Variants in ERCC6L2 observed in about 807,000 individuals in gnomAD.
The protein encoded by ERCC6L2 is DNA excision repair protein ERCC-6-like 2.
In ERCC6L2, 77 loss-of-function variants were observed where a neutral mutation model predicts 132.0. The observed-to-expected ratio is 0.58, with a 90% confidence interval of 0.49 to 0.71. The LOEUF (loss-of-function observed/expected upper bound fraction) is 0.71, where lower values mean the gene tolerates loss of function less well. ERCC6L2 is among the 30% of genes least tolerant of loss of function. The pLI is 0.00. For synonymous variants in ERCC6L2, 583 were observed against 632.4 expected (o/e 0.92, Z 1.17); for missense variants, 1,542 against 1,837.6 (o/e 0.84, Z 2.94).
chr9:95,938,066 A>G (rs1345466796), intron 11 of ERCC6L2, among the ~76,000 whole-genome samples: 1 of 149,648 alleles, frequency 6.7e-6, no homozygotes, highest in African/African-American at 2.5e-5. Context: ...TTTGGATTTC[A>G]GATTTTGTTT....
intron 2 of ERCC6L2, among the ~76,000 whole-genome samples, chr9:95,885,789 G>A (rs1476275140): frequency 4.6e-5 from 7 of 152,140 alleles, no homozygotes; most frequent in East Asian, 3.9e-4. Context: ...TGTAAATTCC[G>A]GGGTCTCACT....
At chr9:95,914,387 C>A (rs1266184380) in intron 4 of ERCC6L2, among the ~76,000 whole-genome samples, 1 of 151,830 alleles carries the variant, frequency 6.6e-6, no homozygotes, top group Non-Finnish European at 1.5e-5. Context: ...CGGAGTCTTG[C>A]TGTGTCACCA....
At chr9:95,923,437 G>A in intron 9 of ERCC6L2, 58 bp downstream of exon 9, 2 of 1,586,862 alleles carry the variant, frequency 1.3e-6, no homozygotes, top group Admixed American at 3.4e-5. Context: ...TTTATTCAGT[G>A]GTATGACAGA....
At chr9:95,937,786 G>C (rs1374957420) in intron 11 of ERCC6L2, among the ~76,000 whole-genome samples, 1 of 150,664 alleles carries the variant, frequency 6.6e-6, no homozygotes, top group East Asian at 2.0e-4. Context: ...ATTTTTCTCT[G>C]TTATTTTTCT....
rs28753706 is a variant in ERCC6L2 at position 96,017,700 on chromosome 9, A to G, written c.*4497A>G. Among the ~76,000 whole-genome samples the G allele has an allele frequency of 0.018, 2,769 of 152,276 alleles. 40 individuals carry two copies. Among genetic ancestry groups the G allele is most frequent in the Middle Eastern group, 0.031 (9 of 294 alleles). On this transcript the variant is annotated 3_prime_UTR_variant, in exon 19 of 19. Coordinates refer to ENST00000653738, the MANE Select transcript of ERCC6L2 (RefSeq NM_020207.7). ...CTTCAGTTGCCCCACCACGACTTCCAGCGCCCCCCATCTCTGTATGCAGCT... is the reference window on the plus strand; with the variant it reads ...CTTCAGTTGCCCCACCACGACTTCCGGCGCCCCCCATCTCTGTATGCAGCT...
chr9:95,974,137 T>C (rs1024507769), intron 16 of ERCC6L2, among the ~76,000 whole-genome samples: 7 of 152,188 alleles, frequency 4.6e-5, no homozygotes, highest in African/African-American at 1.2e-4. Flanking sequence ...CCTATACTTA[T>C]TTATTCATTC....
At chr9:95,929,972 A>G (rs748798541) in intron 11 of ERCC6L2, among the ~76,000 whole-genome samples, 2 of 152,108 alleles carry the variant, frequency 1.3e-5, no homozygotes, top group Admixed American at 6.5e-5. Flanking sequence ...CTTCACCTCT[A>G]TCTGTCAGAA....
At chr9:95,883,409 C>T (rs1329711226) in intron 2 of ERCC6L2, among the ~76,000 whole-genome samples, 1 of 152,114 alleles carries the variant, frequency 6.6e-6, no homozygotes, top group African/African-American at 2.4e-5. Context: ...TTCAGTAACG[C>T]CATCTGTGAC....
chr9:95,947,672 C>G (rs954074909), intron 12 of ERCC6L2, among the ~76,000 whole-genome samples: 5 of 152,208 alleles, frequency 3.3e-5, no homozygotes, highest in African/African-American at 7.2e-5. Flanking sequence ...TAGGCTGACT[C>G]TCTTGTTAGA....
chr9:95,989,247 A>G (rs892787549), intron 17 of ERCC6L2, among the ~76,000 whole-genome samples: 1 of 152,228 alleles, frequency 6.6e-6, no homozygotes, highest in Non-Finnish European at 1.5e-5. Flanking sequence ...CAGCTTAACC[A>G]TCAGCCCCTG....
intron 17 of ERCC6L2, among the ~76,000 whole-genome samples, chr9:95,992,555 TA>T (rs1168275868): frequency 2.0e-5 from 3 of 152,222 alleles, no homozygotes; most frequent in Non-Finnish European, 4.4e-5. Context: ...TCTAATTTAC[TA>T]AAAAAGCTGA....
At position 95,881,309 on chromosome 9, in the gene ERCC6L2, A is replaced by T. The variant is rs117850642; in HGVS notation, c.471+16A>T. The T allele has an allele frequency of 0.019, 29,421 of 1,529,668 alleles. 348 individuals carry two copies. The highest frequency in any genetic ancestry group is 0.023 in the Non-Finnish European group (26,166 of 1,143,094). The allele number at this position is 1,529,668 out of a possible 1,614,324, so 94.8% of individuals were successfully genotyped here. On this transcript the variant is annotated intron_variant, in intron 2 of 18. Coordinates refer to ENST00000653738, the MANE Select transcript of ERCC6L2 (RefSeq NM_020207.7). The stretch of plus-strand genomic sequence containing the variant: ...AACAGTACAGGTATTTAATTATGTT[A>T]TAACAGTAAAGTCACTTTACTGTGT...
At chr9:95,971,640 T>G (rs1247453779) in intron 15 of ERCC6L2, 2 of 178,798 alleles carry the variant, frequency 1.1e-5, no homozygotes, top group East Asian at 3.0e-4. Flanking sequence ...TTATGTGTCC[T>G]TGCATCTTAG....
intron 10 of ERCC6L2, 121 bp downstream of exon 10, chr9:95,928,271 TAGTG>T (rs1336934924): frequency 5.2e-6 from 3 of 575,188 alleles, no homozygotes; most frequent in African/African-American, 3.8e-5. Flanking sequence ...CAGTAGGAAA[TAGTG>T]AGGTAAGCAA....
At position 95,907,305 on chromosome 9, in the gene ERCC6L2, T is replaced by TAA. The variant is rs555053094; in HGVS notation, c.788+34_788+35insAA. 2.1e-4 allele frequency: 308 copies of TAA among 1,433,768 alleles called. No individual in the cohort carries two copies. In the South Asian group the frequency reaches 3.7e-3, roughly 17 times the overall value. 88.8% of individuals were successfully genotyped at this position (1,433,768 alleles called of 1,614,324 possible). A position where few individuals can be genotyped will look rare whatever the true frequency, so the allele number is the denominator to read the frequency against. ...AATAATAGGAATAGGAATGATTGTA[T>TAA]TAATAGTCTACTTACATCCCTTTAT... On this transcript the variant is annotated intron_variant, in intron 4 of 18. Coordinates refer to ENST00000653738, the MANE Select transcript of ERCC6L2 (RefSeq NM_020207.7).
At chr9:95,963,784 A>C (rs1444387414) in intron 13 of ERCC6L2, among the ~76,000 whole-genome samples, 1 of 152,184 alleles carries the variant, frequency 6.6e-6, no homozygotes, top group Non-Finnish European at 1.5e-5. Context: ...GATGTCCTTC[A>C]GTCTAGGTCC....
intron 19 of ERCC6L2, among the ~76,000 whole-genome samples, chr9:96,037,635 G>A (rs1834534701): frequency 6.6e-6 from 1 of 152,188 alleles, no homozygotes; most frequent in South Asian, 2.1e-4. Context: ...AAGTTCAAGT[G>A]ATGTCCAAGT....
rs1587922293 is a variant in ERCC6L2 at position 95,928,268 on chromosome 9, A to G, written c.1605+118A>G. 9 of 589,206 alleles carry G rather than the reference A, an allele frequency of 1.5e-5. No individual in the cohort carries two copies. The East Asian group carries it at 2.7e-4, about 17-fold the overall frequency. 36.5% of individuals were successfully genotyped at this position (589,206 alleles called of 1,614,324 possible). On this transcript the variant is annotated intron_variant, in intron 10 of 18. Coordinates refer to ENST00000653738, the MANE Select transcript of ERCC6L2 (RefSeq NM_020207.7). ...CATTTTCTCTTATCTACACAGTAGG[A>G]AATAGTGAGGTAAGCAACTTGAAGT...
intron 9 of ERCC6L2, among the ~76,000 whole-genome samples, chr9:95,927,781 A>G (rs1830164713): frequency 6.6e-6 from 1 of 152,154 alleles, no homozygotes. Context: ...AATTAAATTA[A>G]TCCATTTAAA....
Sources: gnomAD v4.1 joint callset for allele counts (sites outside exome capture counted in the v4.1 genomes callset) on GRCh38, gnomAD v4.1.1 for gene constraint, MANE v1.5 for transcripts, NCBI Gene and HGNC (gene_info 2026-07-23, HGNC 2026-07-21) for gene names.